Variants in ZNF382 observed in about 807,000 individuals in gnomAD.
ZNF382 encodes the protein zinc finger protein 382, also known as KRAB/zinc finger suppressor protein 1.
ZNF382 carries 20 observed loss-of-function variants against 38.8 expected under a neutral mutation model. The ratio of observed to expected loss-of-function variants is 0.51; its 90% CI spans 0.36 to 0.75. The LOEUF (loss-of-function observed/expected upper bound fraction) is 0.75. Ranked by LOEUF, ZNF382 falls within the 30% of genes least tolerant of loss-of-function variation. ZNF382 has a pLI of 0.00. For synonymous variants in ZNF382, 202 were observed against 223.1 expected (o/e 0.91, Z 0.84); for missense variants, 546 against 654.1 (o/e 0.83, Z 1.80).
At chr19:36,611,739 T>C (rs577484547) in intron 4 of ZNF382, among the ~76,000 whole-genome samples, 2 of 152,334 alleles carry the variant, frequency 1.3e-5, no homozygotes, top group South Asian at 4.1e-4. Flanking sequence ...CTATAGCAGC[T>C]GCATCATTTT....
At chr19:36,624,299 T>G (rs993245297) in intron 4 of ZNF382, among the ~76,000 whole-genome samples, 1 of 152,240 alleles carries the variant, frequency 6.6e-6, no homozygotes, top group African/African-American at 2.4e-5. Flanking sequence ...AGATTCATTC[T>G]TGTTGTCATT....
intron 4 of ZNF382, among the ~76,000 whole-genome samples, chr19:36,625,311 G>A (rs2037203673): frequency 6.6e-6 from 1 of 151,466 alleles, no homozygotes; most frequent in Admixed American, 6.6e-5. Flanking sequence ...TAGGAAATGA[G>A]CTGAGAAAGT....
Position 36,610,655 on chromosome 19 carries a change from C to A in ZNF382, c.145C>A (p.His49Asn). The change falls in exon 4 of 5, where the codon CAC (histidine) becomes AAC (asparagine). Residue 49 changes from histidine (H) to asparagine (N), a missense_variant. Transcript: ENST00000292928. Reference sequence around the variant, plus strand: ...GTCTCATTTTCCATCATCAGGGTTTCACATGGCTAAGCCTGATATGATCCG... The same window carrying A: ...GTCTCATTTTCCATCATCAGGGTTTAACATGGCTAAGCCTGATATGATCCG... ...NYCHFVSVGFHMAKPDMIRKL... is the reference protein window; with the variant it reads ...NYCHFVSVGFNMAKPDMIRKL... The A allele has an allele frequency of 6.2e-7, 1 of 1,609,152 alleles. No individual in the cohort carries two copies. The highest frequency in any genetic ancestry group is 1.1e-5 in the South Asian group (1 of 89,712).
At position 36,631,700 on chromosome 19, in the gene ZNF382, A is replaced by G. The variant is rs2056382969; in HGVS notation, c.*4150A>G. 1 of 152,072 alleles carries G rather than the reference A, an allele frequency of 6.6e-6. No homozygotes were observed. The highest frequency in any genetic ancestry group is 2.1e-4 in the South Asian group (1 of 4,828). The allele number at this position is 152,072 out of a possible 1,614,324, so 9.4% of individuals were successfully genotyped here. A position where few individuals can be genotyped will look rare whatever the true frequency, so the allele number is the denominator to read the frequency against. Reference sequence around the variant, plus strand: ...CATGCCTGGCTGGTACTATAATCTTATGAGACCACCATTATATATGCAGTC... The same window carrying G: ...CATGCCTGGCTGGTACTATAATCTTGTGAGACCACCATTATATATGCAGTC... On this transcript the variant is annotated 3_prime_UTR_variant, in exon 5 of 5. Transcript: ENST00000292928.
chr19:36,627,307 G>T lies in ZNF382; in HGVS notation c.1410G>T (p.Gly470=), dbSNP rs755387596. The T allele has an allele frequency of 2.5e-6, 4 of 1,614,162 alleles. No individual in the cohort carries two copies. The highest frequency in any genetic ancestry group is 3.3e-4 in the Middle Eastern group (2 of 6,062). The change falls in exon 5 of 5, where the codon GGG becomes GGT. Residue 470 remains glycine, a synonymous_variant. Transcript: ENST00000292928. The part of the protein sequence containing the change: ...GEKPYICNEC[G]KSFRQKAILT... ...AACCCTATATTTGTAATGAATGTGG[G>T]AAGTCCTTCCGCCAGAAGGCAATCC...
At chr19:36,623,587 C>A (rs1407866983) in intron 4 of ZNF382, among the ~76,000 whole-genome samples, 1 of 151,788 alleles carries the variant, frequency 6.6e-6, no homozygotes, top group Non-Finnish European at 1.5e-5. Flanking sequence ...GCCAGGGGTT[C>A]AAGACCCACC....
chr19:36,623,225 G>C (rs1251017240), intron 4 of ZNF382, among the ~76,000 whole-genome samples: 1 of 152,028 alleles, frequency 6.6e-6, no homozygotes. Flanking sequence ...GTTCTTTTTA[G>C]GGGTACCTGC....
chr19:36,610,149 A>T, intron 3 of ZNF382, 96 bp downstream of exon 3: 1 of 1,485,074 alleles, frequency 6.7e-7, no homozygotes, highest in Non-Finnish European at 9.2e-7. Flanking sequence ...AGAGGTGATT[A>T]TTTTTTTGGC....
Position 36,627,130 on chromosome 19 carries a change from T to C in ZNF382, c.1233T>C (p.Asn411=). Residue 411 remains asparagine (N), a synonymous_variant, in exon 5 of 5, where the codon AAT becomes AAC. Transcript: ENST00000292928. ...THTGEKPYQC[N]ECGKAFIQKT... ...CAGGAGAGAAACCGTATCAGTGTAA[T>C]GAGTGTGGGAAGGCATTTATCCAGA... is the stretch of plus-strand genomic sequence containing the variant. 6.2e-7 allele frequency: 1 copy of C among 1,613,830 alleles called. No individual in the cohort carries two copies. Among genetic ancestry groups the C allele is most frequent in the Non-Finnish European group, 8.5e-7 (1 of 1,179,950 alleles).
intron 4 of ZNF382, among the ~76,000 whole-genome samples, chr19:36,617,841 C>T (rs2037137687): frequency 6.6e-6 from 1 of 152,032 alleles, no homozygotes; most frequent in African/African-American, 2.4e-5. Context: ...TGGGGGATTC[C>T]AGCTAAACCG....
Position 36,628,419 on chromosome 19 carries a change from A to G in ZNF382, c.*869A>G, listed in dbSNP as rs1283232283. ...CATGAGATAATTGACACTGAAGGGAAACAGCTATAAATTTTATCAATATGG... is the reference window on the plus strand; with the variant it reads ...CATGAGATAATTGACACTGAAGGGAGACAGCTATAAATTTTATCAATATGG... On this transcript the variant is annotated 3_prime_UTR_variant, in exon 5 of 5. Coordinates refer to ENST00000292928, the MANE Select transcript of ZNF382 (RefSeq NM_032825.5). 1 of 152,928 alleles carries G rather than the reference A, an allele frequency of 6.5e-6. No individual in the cohort carries two copies. The highest frequency in any genetic ancestry group is 2.4e-5 in the African/African-American group (1 of 41,466). 9.5% of individuals were successfully genotyped at this position (152,928 alleles called of 1,614,324 possible).
chr19:36,620,738 GT>G (rs1431782181), intron 4 of ZNF382, among the ~76,000 whole-genome samples: 1 of 151,306 alleles, frequency 6.6e-6, no homozygotes, highest in Non-Finnish European at 1.5e-5. Context: ...ACTCTTATTT[GT>G]TTATTCTTTT....
At chr19:36,617,725 G>A (rs1325456361) in intron 4 of ZNF382, among the ~76,000 whole-genome samples, 1 of 152,136 alleles carries the variant, frequency 6.6e-6, no homozygotes, top group Non-Finnish European at 1.5e-5. Flanking sequence ...TGAGTGGATA[G>A]GGTAATCTTG....
Position 36,627,297 on chromosome 19 carries a change from A to G in ZNF382, c.1400A>G (p.Asn467Ser). The change falls in exon 5 of 5, where the codon AAT becomes AGT. Residue 467 changes from asparagine to serine, a missense_variant. Physicochemically the swap from Asn to Ser is conservative, Grantham distance 46. Transcript: ENST00000292928. ...ACGGGGGAAAAACCCTATATTTGTA[A>G]TGAATGTGGGAAGTCCTTCCGCCAG... The part of the protein sequence containing the change: ...IHTGEKPYIC[N>S]ECGKSFRQKA... The G allele has an allele frequency of 1.9e-6, 3 of 1,600,796 alleles. No individual in the cohort carries two copies. Among genetic ancestry groups the G allele is most frequent in the Non-Finnish European group, 2.6e-6 (3 of 1,174,850 alleles).
Position 36,626,259 on chromosome 19 carries a change from T to A in ZNF382, c.362T>A (p.Phe121Tyr). The part of the protein sequence containing the change: ...KERSNIYGKT[F>Y]TLGKNRISKT... ...AGAAGTAATATTTATGGTAAAACATTTACTCTAGGCAAGAACCGTATTTCA... is the reference window on the plus strand; with the variant it reads ...AGAAGTAATATTTATGGTAAAACATATACTCTAGGCAAGAACCGTATTTCA... The change falls in exon 5 of 5, where the codon TTT becomes TAT. Residue 121 changes from phenylalanine to tyrosine, a missense_variant. By Grantham distance (22) the Phe-to-Tyr change is conservative. Coordinates refer to ENST00000292928, the MANE Select transcript of ZNF382 (RefSeq NM_032825.5). 1 of 1,608,592 alleles carries A rather than the reference T, an allele frequency of 6.2e-7. No homozygotes were observed. Among genetic ancestry groups the A allele is most frequent in the Non-Finnish European group, 8.5e-7 (1 of 1,178,568 alleles).
Position 36,631,486 on chromosome 19 carries a change from C to G in ZNF382, c.*3936C>G, listed in dbSNP as rs951824352. On this transcript the variant is annotated 3_prime_UTR_variant, in exon 5 of 5. Coordinates refer to ENST00000292928, the MANE Select transcript of ZNF382 (RefSeq NM_032825.5). Reference sequence around the variant, plus strand: ...CATTGCAACCTCCGCCTCCTGGGTTCAAGTGATTCTCCTGCCTCAGCCTCA... The same window carrying G: ...CATTGCAACCTCCGCCTCCTGGGTTGAAGTGATTCTCCTGCCTCAGCCTCA... The G allele has an allele frequency of 1.3e-5, 2 of 151,652 alleles. No homozygotes were observed. Among genetic ancestry groups the G allele is most frequent in the African/African-American group, 4.9e-5 (2 of 41,218 alleles). The allele number at this position is 151,652 out of a possible 1,614,324, so 9.4% of individuals were successfully genotyped here.
Position 36,623,511 on chromosome 19 carries a change from C to T in ZNF382, c.233-2619C>T, listed in dbSNP as rs182879194. Among the ~76,000 whole-genome samples the T allele has an allele frequency of 1.4e-3, 211 of 152,136 alleles. 2 individuals are homozygous for T. Among genetic ancestry groups the T allele is most frequent in the African/African-American group, 4.8e-3 (201 of 41,492 alleles). On this transcript the variant is annotated intron_variant, in intron 4 of 4. Transcript: ENST00000292928. The stretch of plus-strand genomic sequence containing the variant: ...TAGAAAAACTATGTGAAAGCTTAGC[C>T]GGGAGCAGTCGCTCACTCCTGTAAT...
intron 4 of ZNF382, among the ~76,000 whole-genome samples, chr19:36,616,189 G>A (rs2037124630): frequency 6.6e-6 from 1 of 152,142 alleles, no homozygotes; most frequent in Non-Finnish European, 1.5e-5. Context: ...AGGCCAGCCT[G>A]GGCAACATAG....
intron 4 of ZNF382, among the ~76,000 whole-genome samples, chr19:36,611,050 A>G (rs1314973272): frequency 6.6e-6 from 1 of 152,140 alleles, no homozygotes; most frequent in Non-Finnish European, 1.5e-5. Flanking sequence ...ATTACAGCCA[A>G]GGCCAAGGTG....
Sources: gnomAD v4.1 joint callset for allele counts (sites outside exome capture counted in the v4.1 genomes callset) on GRCh38, gnomAD v4.1.1 for gene constraint, MANE v1.5 for transcripts, NCBI Gene and HGNC (gene_info 2026-07-23, HGNC 2026-07-21) for gene names.